The following LIMCH1 variants were observed in gnomAD, a reference collection of about 807,000 sequenced individuals.
LIMCH1 encodes LIM and calponin homology domains-containing protein 1.
LIMCH1 carries 113 observed loss-of-function variants against 176.5 expected under a neutral mutation model. That is an observed-to-expected ratio of 0.64 (90% CI 0.55 to 0.75). The LOEUF is 0.75. Among genes scored for constraint, LIMCH1 ranks in the 30% least tolerant of loss-of-function variants. The pLI is 0.00. For missense variants in LIMCH1, 1,674 were observed against 1,814.9 expected (o/e 0.92, Z 1.41); for synonymous variants, 619 against 645.9 (o/e 0.96, Z 0.63).
At chr4:41,366,844 G>C (rs2053078685) in intron 1 of LIMCH1, among the ~76,000 whole-genome samples, 1 of 152,198 alleles carries the variant, frequency 6.6e-6, no homozygotes, top group Admixed American at 6.5e-5. Flanking sequence ...ATGTGTATTA[G>C]TTCATTTACA....
rs140656158 is a variant in LIMCH1, at chr4:41,531,659, G to A, written c.237+7181G>A. ...TGACTAATGGTTAGCTCTTTCCAGT[G>A]CAAATCAATCCAGCTAGACTCGGCT... On this transcript the variant is annotated intron_variant, in intron 3 of 26. Coordinates refer to the LIMCH1 transcript ENST00000313860. Among the ~76,000 whole-genome samples, 159 of 152,178 alleles carry A rather than the reference G, an allele frequency of 1.0e-3. 1 individual carries two copies. Among genetic ancestry groups the A allele is most frequent in the Middle Eastern group, 3.4e-3 (1 of 294 alleles).
intron 1 of LIMCH1, among the ~76,000 whole-genome samples, chr4:41,423,822 T>C (rs2060835871): frequency 6.6e-6 from 1 of 152,070 alleles, no homozygotes; most frequent in Non-Finnish European, 1.5e-5. Flanking sequence ...TGGGGGAAAG[T>C]AAGTGTTTAA....
intron 1 of LIMCH1, among the ~76,000 whole-genome samples, chr4:41,419,584 T>TCCTTCC (rs2060285587): frequency 1.1e-5 from 1 of 89,624 alleles, no homozygotes; most frequent in African/African-American, 7.3e-5. Context: ...CCTTCCTTCC[T>TCCTTCC]TCCTTCCTTC....
At position 41,629,525 on chromosome 4, in the gene LIMCH1, A is replaced by G. The variant is rs986653502; in HGVS notation, c.1062A>G (p.Ile354Met). The G allele has an allele frequency of 2.0e-6, 3 of 1,536,100 alleles. No individual in the cohort carries two copies. The highest frequency in any genetic ancestry group is 2.6e-6 in the Non-Finnish European group (3 of 1,146,898). The change falls in exon 9 of 32, where the codon ATA becomes ATG. Residue 354 changes from isoleucine to methionine, a missense_variant. This residue lies in a region of LIMCH1 where 655 missense variants were observed against 692.2 expected (regional missense o/e 0.95). Transcript: ENST00000503057. ...GCCACACAGAAGAGGTGAAGTTGAT[A>G]GTGACCTGTAACATGAGGGCTCAGG... ...NQGHTEEVKL[I>M]VTCNMRAQES...
chr4:41,591,760 C>G (rs7669764), intron 1 of LIMCH1, among the ~76,000 whole-genome samples: 32,972 of 152,084 alleles, frequency 0.22, 4,181 homozygotes, highest in African/African-American at 0.34. Context: ...TGAGCATTCC[C>G]TTCATTTTCT....
At chr4:41,522,695 G>T (rs948736573) in intron 2 of LIMCH1, among the ~76,000 whole-genome samples, 1 of 152,082 alleles carries the variant, frequency 6.6e-6, no homozygotes, top group African/African-American at 2.4e-5. Context: ...AGAATGCATT[G>T]ATCTAAGAAA....
rs144652075 is a variant in LIMCH1 at position 41,587,818 on chromosome 4, G to A, written c.-240-11102G>A. On this transcript the variant is annotated intron_variant, in intron 1 of 31. Coordinates refer to ENST00000503057, the MANE Select transcript of LIMCH1 (RefSeq NM_001330672.2). Reference sequence around the variant, plus strand: ...AAAAGTTAAAGTTAACATAGCCTAAGCACTGACTCGTCATCATTCTAACCC... The same window carrying A: ...AAAAGTTAAAGTTAACATAGCCTAAACACTGACTCGTCATCATTCTAACCC... 2.0e-5 allele frequency among the ~76,000 whole-genome samples: 3 copies of A among 152,198 alleles called. 1 individual carries two copies. The highest frequency in any genetic ancestry group is 7.2e-5 in the African/African-American group (3 of 41,528).
intron 2 of LIMCH1, among the ~76,000 whole-genome samples, chr4:41,496,776 G>A (rs2072230994): frequency 6.6e-6 from 1 of 152,166 alleles, no homozygotes; most frequent in Non-Finnish European, 1.5e-5. Context: ...ATCGTTTGAT[G>A]GTGGGGGCCA....
At chr4:41,581,533 G>A (rs1034875673) in intron 1 of LIMCH1, among the ~76,000 whole-genome samples, 3 of 152,004 alleles carry the variant, frequency 2.0e-5, no homozygotes, top group African/African-American at 4.8e-5. Context: ...ACAGCCGGGC[G>A]CAGTGGCTCA....
chr4:41,580,972 C>T (rs1311461526), intron 1 of LIMCH1, among the ~76,000 whole-genome samples: 1 of 152,060 alleles, frequency 6.6e-6, no homozygotes, highest in Admixed American at 6.6e-5. Context: ...AAGTAGAAAC[C>T]TTGACTATAC....
At chr4:41,363,317 A>G (rs1480012515) in intron 1 of LIMCH1, among the ~76,000 whole-genome samples, 1 of 152,116 alleles carries the variant, frequency 6.6e-6, no homozygotes, top group East Asian at 1.9e-4. Flanking sequence ...TCTCGAGACA[A>G]TTGCAACTCC....
intron 5 of LIMCH1, among the ~76,000 whole-genome samples, chr4:41,616,891 C>T (rs191710168): frequency 2.4e-4 from 37 of 152,258 alleles, no homozygotes; most frequent in Admixed American, 1.1e-3. Flanking sequence ...ACCCTGGTCT[C>T]TAAATCCATA....
At chr4:41,646,997 GA>G (rs1449495949) in intron 17 of LIMCH1, 104 bp downstream of exon 17, 29 of 1,122,410 alleles carry the variant, frequency 2.6e-5, no homozygotes, top group Non-Finnish European at 3.7e-5. Flanking sequence ...CCATACAAAA[GA>G]AAAATGTGTT....
chr4:41,406,471 T>A (rs1309020620), intron 1 of LIMCH1, among the ~76,000 whole-genome samples: 1 of 152,146 alleles, frequency 6.6e-6, no homozygotes, highest in Non-Finnish European at 1.5e-5. Flanking sequence ...GATAAGCTTA[T>A]GTGTGTAAGG....
At chr4:41,670,231 A>G (rs1585653123) in intron 21 of LIMCH1, among the ~76,000 whole-genome samples, 1 of 152,280 alleles carries the variant, frequency 6.6e-6, no homozygotes, top group South Asian at 2.1e-4. Flanking sequence ...CCACCACAGA[A>G]AGGCATATAC....
At chr4:41,605,790 CA>C in intron 3 of LIMCH1, 103 bp from the exon 4 acceptor site, 2 of 571,770 alleles carry the variant, frequency 3.5e-6, no homozygotes, top group South Asian at 3.5e-5. Flanking sequence ...CGATGTAAAT[CA>C]GCTCTTTCCT....
intron 8 of LIMCH1, 125 bp downstream of exon 8, chr4:41,627,135 C>T (rs1459833591): frequency 1.6e-6 from 2 of 1,269,302 alleles, no homozygotes; most frequent in African/African-American, 3.0e-5. Context: ...TCTTTCCAGC[C>T]TCTCAATTAT....
chr4:41,472,286 T>C (rs894074396), intron 1 of LIMCH1, among the ~76,000 whole-genome samples: 2 of 152,198 alleles, frequency 1.3e-5, no homozygotes, highest in Admixed American at 1.3e-4. Flanking sequence ...CCTGAAGCCA[T>C]GATTTTGCCA....
At position 41,419,662 on chromosome 4, in the gene LIMCH1, T is replaced by G. The variant is rs1402653505; in HGVS notation, c.96+58726T>G. 4.5e-3 allele frequency among the ~76,000 whole-genome samples: 297 copies of G among 66,190 alleles called. 19 individuals are homozygous for G. Among genetic ancestry groups the G allele is most frequent in the African/African-American group, 0.025 (266 of 10,554 alleles). The allele number at this position is 66,190 out of a possible 152,430, so 43.4% of individuals were successfully genotyped here. Reference sequence around the variant, plus strand: ...CCTTCCTTTCTTCCTCCTTCCTTCCTTCCTTCCTTCCTTCCTTCCTCCTTC... The same window carrying G: ...CCTTCCTTTCTTCCTCCTTCCTTCCGTCCTTCCTTCCTTCCTTCCTCCTTC... On this transcript the variant is annotated intron_variant, in intron 1 of 26. Coordinates refer to the LIMCH1 transcript ENST00000313860.
Sources: gnomAD v4.1 joint callset for allele counts (sites outside exome capture counted in the v4.1 genomes callset) on GRCh38, gnomAD v4.1.1 for gene constraint, gnomAD v4.1.1 regional missense constraint, MANE v1.5 for transcripts, NCBI Gene and HGNC (gene_info 2026-07-23, HGNC 2026-07-21) for gene names.